FSHR: variants seen among roughly 807,000 people sequenced by gnomAD.
The protein encoded by FSHR is follicle stimulating hormone receptor.
Under a neutral mutation model 52.1 loss-of-function variants are expected in FSHR, and 46 were observed. The ratio of observed to expected loss-of-function variants is 0.88; its 90% CI spans 0.70 to 1.13. FSHR has a LOEUF of 1.13. FSHR is among the 50% of genes most tolerant of loss of function. The pLI is 0.00. For synonymous variants in FSHR, 399 were observed against 309.6 expected, an observed-to-expected ratio of 1.29 and a Z score of -3.03; for missense variants, 964 against 834.6, an observed-to-expected ratio of 1.16 and a Z score of -1.91.
At chr2:49,073,594 T>C (rs1401300171) in intron 1 of FSHR, among the ~76,000 whole-genome samples, 1 of 151,954 alleles carries the variant, frequency 6.6e-6, no homozygotes, top group Non-Finnish European at 1.5e-5. Flanking sequence ...TCAGAATAAT[T>C]AATATTGTTA....
At chr2:49,065,428 C>T (rs1219961166) in intron 2 of FSHR, among the ~76,000 whole-genome samples, 7 of 151,994 alleles carry the variant, frequency 4.6e-5, no homozygotes, top group Non-Finnish European at 1.0e-4. Flanking sequence ...GTCAGTAGGA[C>T]TGGAGGAGCA....
At chr2:49,115,444 CTG>C (rs1375810536) in intron 1 of FSHR, among the ~76,000 whole-genome samples, 1 of 152,050 alleles carries the variant, frequency 6.6e-6, no homozygotes, top group African/African-American at 2.4e-5. Context: ...TTTTTATAGA[CTG>C]TGTAATCTCG....
chr2:49,037,537 A>G (rs1051228209), intron 2 of FSHR, among the ~76,000 whole-genome samples: 2 of 152,184 alleles, frequency 1.3e-5, no homozygotes, highest in African/African-American at 2.4e-5. Context: ...TTAATTGCTC[A>G]AAGAGATACA....
chr2:49,029,298 T>C (rs1294537629), intron 2 of FSHR, among the ~76,000 whole-genome samples: 1 of 152,188 alleles, frequency 6.6e-6, no homozygotes, highest in Non-Finnish European at 1.5e-5. Flanking sequence ...GCTGTTTTAT[T>C]CCCTTTTTCA....
intron 2 of FSHR, among the ~76,000 whole-genome samples, chr2:49,043,698 C>G (rs1484360000): frequency 6.6e-6 from 1 of 152,194 alleles, no homozygotes; most frequent in Non-Finnish European, 1.5e-5. Flanking sequence ...ACAGTTATCT[C>G]AGTGCATGAA....
At chr2:49,097,971 G>A (rs534497552) in intron 1 of FSHR, among the ~76,000 whole-genome samples, 46 of 151,754 alleles carry the variant, frequency 3.0e-4, no homozygotes, top group Non-Finnish European at 5.3e-4. Flanking sequence ...AAAAATATTT[G>A]GTATCTACCA....
intron 1 of FSHR, among the ~76,000 whole-genome samples, chr2:49,088,715 G>C (rs1670490219): frequency 6.6e-6 from 1 of 152,058 alleles, no homozygotes; most frequent in African/African-American, 2.4e-5. Context: ...GGTTGGTTTG[G>C]GGCTACTTCT....
chr2:49,132,388 C>A (rs1006520697), intron 1 of FSHR, among the ~76,000 whole-genome samples: 7 of 152,128 alleles, frequency 4.6e-5, no homozygotes, highest in Non-Finnish European at 8.8e-5. Flanking sequence ...TCCCTTTAAT[C>A]TAATAAATCA....
chr2:49,087,475 T>C (rs1670443469), intron 1 of FSHR, among the ~76,000 whole-genome samples: 2 of 152,186 alleles, frequency 1.3e-5, no homozygotes, highest in African/African-American at 4.8e-5. Flanking sequence ...GACACTGCGC[T>C]AGGCCCTGAG....
rs777434194 is a variant in FSHR at position 48,963,418 on chromosome 2, C to A, written c.1403G>T (p.Trp468Leu). Residue 468 changes from tryptophan to leucine, a missense_variant, in exon 10 of 10, where the codon TGG becomes TTG. Physicochemically the swap from Trp to Leu is moderately conservative, Grantham distance 61 (BLOSUM62 -2). Transcript: ENST00000406846. ...CTGCATGGCATGCGTGATGGTATGC[C>A]ATCTTTCCAAGGTGATAGCTGTCAG... ...YTLTAITLER[W>L]HTITHAMQLD... 1 of 1,614,120 alleles carries A rather than the reference C, an allele frequency of 6.2e-7. No individual in the cohort carries two copies. Among genetic ancestry groups the A allele is most frequent in the Non-Finnish European group, 8.5e-7 (1 of 1,179,996 alleles).
chr2:49,096,751 G>T (rs1410514581), intron 1 of FSHR, among the ~76,000 whole-genome samples: 2 of 152,170 alleles, frequency 1.3e-5, no homozygotes, highest in African/African-American at 2.4e-5. Context: ...TGGAGATGGG[G>T]CCTGGTGGGA....
At chr2:49,039,751 G>C (rs1025642923) in intron 2 of FSHR, among the ~76,000 whole-genome samples, 19 of 152,002 alleles carry the variant, frequency 1.2e-4, no homozygotes, top group African/African-American at 4.6e-4. Flanking sequence ...ATATTTTGCA[G>C]GTATATAGTT....
At chr2:49,108,587 T>A (rs1271733527) in intron 1 of FSHR, among the ~76,000 whole-genome samples, 1 of 152,168 alleles carries the variant, frequency 6.6e-6, no homozygotes, top group Non-Finnish European at 1.5e-5. Flanking sequence ...TTGTTTCACC[T>A]ATAATTCTCC....
chr2:49,074,387 C>T (rs1669869909), intron 1 of FSHR, among the ~76,000 whole-genome samples: 4 of 152,072 alleles, frequency 2.6e-5, no homozygotes, highest in Admixed American at 2.0e-4. Context: ...TCTGAACAGA[C>T]ATTTCCCAAA....
intron 4 of FSHR, among the ~76,000 whole-genome samples, chr2:49,016,789 C>T (rs570046651): frequency 1.9e-5 from 2 of 107,102 alleles, no homozygotes; most frequent in South Asian, 6.4e-4. Flanking sequence ...ATTATTATTT[C>T]CATTCTCTTG....
intron 2 of FSHR, among the ~76,000 whole-genome samples, chr2:49,060,386 C>T (rs1669242099): frequency 6.6e-6 from 1 of 152,108 alleles, no homozygotes. Context: ...AAAACATTAC[C>T]TTGACCACTC....
intron 2 of FSHR, among the ~76,000 whole-genome samples, chr2:49,056,622 A>G (rs1192493591): frequency 6.6e-6 from 1 of 151,940 alleles, no homozygotes; most frequent in African/African-American, 2.4e-5. Context: ...AGTGAAAATC[A>G]ACAAAGAAAC....
chr2:49,030,201 A>G (rs924707915), intron 2 of FSHR, among the ~76,000 whole-genome samples: 7 of 150,788 alleles, frequency 4.6e-5, no homozygotes, highest in Non-Finnish European at 1.0e-4. Flanking sequence ...GATACCCCCT[A>G]CAAGCCAGTA....
chr2:49,127,873 TCTTCTTCTTCTTCTTC>T (rs1672110728), intron 1 of FSHR, among the ~76,000 whole-genome samples: 2 of 45,374 alleles, frequency 4.4e-5, no homozygotes, highest in Admixed American at 6.0e-4. Flanking sequence ...TTCTTCTTCT[TCTTCTTCTTCTTCTTC>T]TTCTTCTTCT....
Sources: gnomAD v4.1 joint callset for allele counts (sites outside exome capture counted in the v4.1 genomes callset) on GRCh38, gnomAD v4.1.1 for gene constraint, MANE v1.5 for transcripts, NCBI Gene and HGNC (gene_info 2026-07-23, HGNC 2026-07-21) for gene names.